The following DGKG variants were observed in gnomAD, a reference collection of about 807,000 sequenced individuals.
DGKG encodes the protein DAG kinase gamma.
Under a neutral mutation model 105.3 loss-of-function variants are expected in DGKG, and 78 were observed. The observed-to-expected ratio is 0.74, with a 90% CI of 0.62 to 0.89. The LOEUF is 0.89. Ranked by LOEUF, DGKG falls within the 40% of genes least tolerant of loss-of-function variation. The pLI is 0.00. For missense variants in DGKG, 958 were observed against 1,020.1 expected (o/e 0.94, Z 0.83); for synonymous variants, 346 against 367.1 (o/e 0.94, Z 0.66).
intron 6 of DGKG, among the ~76,000 whole-genome samples, chr3:186,286,477 C>T (rs969038637): frequency 6.6e-6 from 1 of 152,122 alleles, no homozygotes; most frequent in African/African-American, 2.4e-5. Flanking sequence ...CTTGTGCCTT[C>T]CTTCTAGGTT....
At chr3:186,170,441 C>T (rs913215648) in intron 22 of DGKG, among the ~76,000 whole-genome samples, 2 of 152,108 alleles carry the variant, frequency 1.3e-5, no homozygotes, top group African/African-American at 2.4e-5. Flanking sequence ...GAGTTTGGGC[C>T]CAGCAGTCTG....
chr3:186,272,652 T>A (rs920366124), intron 10 of DGKG, among the ~76,000 whole-genome samples: 13 of 152,178 alleles, frequency 8.5e-5, no homozygotes, highest in African/African-American at 2.9e-4. Context: ...TGCGGCATCA[T>A]CCTCCTGGCT....
intron 1 of DGKG, among the ~76,000 whole-genome samples, chr3:186,355,279 C>T (rs897413119): frequency 4.4e-5 from 6 of 137,138 alleles, no homozygotes; most frequent in South Asian, 2.4e-4. Context: ...ACCACCAGCA[C>T]GATCATCATC....
intron 3 of DGKG, 193 bp downstream of exon 3, chr3:186,306,708 G>A (rs1724256257): frequency 1.7e-6 from 1 of 575,612 alleles, no homozygotes; most frequent in Admixed American, 3.2e-5. Flanking sequence ...AGTCTTCTAG[G>A]ACAGTGGAAT....
At chr3:186,262,584 G>A (rs1447685515) in intron 14 of DGKG, among the ~76,000 whole-genome samples, 1 of 152,156 alleles carries the variant, frequency 6.6e-6, no homozygotes, top group Non-Finnish European at 1.5e-5. Context: ...ATTATTAAAG[G>A]AGGATTTGGA....
At position 186,148,924 on chromosome 3, in the gene DGKG, T is replaced by C. The variant is rs2108463987; in HGVS notation, c.*1166A>G. 1.0e-6 allele frequency: 1 copy of C among 975,936 alleles called. No homozygotes were observed. Among genetic ancestry groups the C allele is most frequent in the Non-Finnish European group, 1.2e-6 (1 of 823,420 alleles). 60.5% of individuals were successfully genotyped at this position (975,936 alleles called of 1,614,324 possible). ...GTCTCATACTACCTATGTTTTTTTT[T>C]TCCAATGAGGAAAAGTCCATCAGTA... On this transcript the variant is annotated 3_prime_UTR_variant, in exon 25 of 25. Transcript: ENST00000265022.
In DGKG at chr3:186,257,892, C is replaced by T. The variant is rs1168638477; in HGVS notation, c.1472G>A (p.Gly491Asp). Residue 491 changes from glycine to aspartate, a missense_variant, in exon 17 of 25, where the codon GGT (glycine) becomes GAT (aspartate). Gly to Asp is a moderately conservative substitution (Grantham distance 94). Coordinates refer to ENST00000265022, the MANE Select transcript of DGKG (RefSeq NM_001346.3). ...AATCCAGCCAACTGTCCCATCTCCA[C>T]CACAGGCCAAAACACGGAAGTCTGG... ...DTPDFRVLACGGDGTVGWILD... is the reference protein window; with the variant it reads ...DTPDFRVLACDGDGTVGWILD... 1 of 1,614,124 alleles carries T rather than the reference C, an allele frequency of 6.2e-7. No homozygotes were observed. The highest frequency in any genetic ancestry group is 2.2e-5 in the East Asian group (1 of 44,868).
rs375875878 is a variant in DGKG, at chr3:186,268,819, G to A, written c.1098C>T (p.Cys366=). The stretch of plus-strand genomic sequence containing the variant: ...AACCCACCGTCATCCGGCACCACAC[G>A]CAGTGCCGCGCGGTGACACTCTGGT... ...KCYQSVTARH[C]VWCRMTFHRK... is the part of the protein sequence containing the mutation. The change falls in exon 12 of 25, where the codon TGC becomes TGT. Residue 366 remains cysteine, a synonymous_variant. Transcript: ENST00000265022. 7 of 1,612,924 alleles carry A rather than the reference G, an allele frequency of 4.3e-6. No homozygotes were observed. The highest frequency in any genetic ancestry group is 1.6e-4 in the Middle Eastern group (1 of 6,082).
intron 24 of DGKG, among the ~76,000 whole-genome samples, chr3:186,154,453 C>T (rs1265529104): frequency 2.0e-5 from 3 of 151,828 alleles, no homozygotes; most frequent in East Asian, 3.9e-4. Context: ...AGACCAGCCT[C>T]GCCAACATGG....
At chr3:186,193,430 C>G (rs1214177291) in intron 21 of DGKG, among the ~76,000 whole-genome samples, 1 of 152,248 alleles carries the variant, frequency 6.6e-6, no homozygotes, top group South Asian at 2.1e-4. Context: ...GTTATCATCA[C>G]AGGTTCCCCA....
chr3:186,218,934 T>C (rs1385675754), intron 20 of DGKG, among the ~76,000 whole-genome samples: 2 of 152,174 alleles, frequency 1.3e-5, no homozygotes, highest in African/African-American at 4.8e-5. Flanking sequence ...CTACTGAAGA[T>C]AATAGACTAG....
intron 21 of DGKG, among the ~76,000 whole-genome samples, chr3:186,195,077 C>T (rs1296464434): frequency 2.0e-5 from 3 of 151,586 alleles, no homozygotes; most frequent in Non-Finnish European, 4.4e-5. Context: ...TGGACTCCAG[C>T]CTGGGCGATA....
chr3:186,280,582 A>G, intron 8 of DGKG, 88 bp downstream of exon 8: 1 of 1,024,014 alleles, frequency 9.8e-7, no homozygotes, highest in Non-Finnish European at 1.5e-6. Flanking sequence ...GAGCACCTGC[A>G]GGGTTAACAC....
intron 6 of DGKG, among the ~76,000 whole-genome samples, chr3:186,285,678 T>TC: frequency 8.5e-6 from 1 of 117,978 alleles, no homozygotes; most frequent in African/African-American, 3.0e-5. Context: ...TTTCTTTCTT[T>TC]CTTTTTTTTT....
intron 1 of DGKG, among the ~76,000 whole-genome samples, chr3:186,347,728 G>A (rs1726416569): frequency 6.6e-6 from 1 of 151,786 alleles, no homozygotes; most frequent in Non-Finnish European, 1.5e-5. Flanking sequence ...GATTATAGAT[G>A]CCCACCACCA....
intron 19 of DGKG, among the ~76,000 whole-genome samples, chr3:186,245,972 A>T (rs544629707): frequency 2.0e-5 from 3 of 152,284 alleles, no homozygotes; most frequent in East Asian, 1.9e-4. Flanking sequence ...AACAATTTTT[A>T]AATTTTTTTA....
In DGKG at chr3:186,353,624, C is replaced by A. The variant is rs62290687; in HGVS notation, c.-249+8322G>T. On this transcript the variant is annotated intron_variant, in intron 1 of 24. Coordinates refer to ENST00000265022, the MANE Select transcript of DGKG (RefSeq NM_001346.3). ...ACACATACACATATATATAGACTCT[C>A]TATCTATATCTATATCTATATCTAT... Among the ~76,000 whole-genome samples the A allele has an allele frequency of 2.3e-3, 299 of 128,554 alleles. 2 individuals carry two copies. Among genetic ancestry groups the A allele is most frequent in the African/African-American group, 7.6e-3 (268 of 35,486 alleles). The allele number at this position is 128,554 out of a possible 152,430, so 84.3% of individuals were successfully genotyped here.
At chr3:186,314,071 C>A (rs528921601) in intron 2 of DGKG, among the ~76,000 whole-genome samples, 3 of 151,966 alleles carry the variant, frequency 2.0e-5, no homozygotes, top group African/African-American at 2.4e-5. Context: ...TAATCTGATT[C>A]GAAAGAAATA....
intron 21 of DGKG, among the ~76,000 whole-genome samples, chr3:186,195,742 A>G (rs1718148339): frequency 6.6e-6 from 1 of 152,174 alleles, no homozygotes; most frequent in South Asian, 2.1e-4. Context: ...GATTTTGCCA[A>G]CTGCATCTCT....
Sources: gnomAD v4.1 joint callset for allele counts (sites outside exome capture counted in the v4.1 genomes callset) on GRCh38, gnomAD v4.1.1 for gene constraint, MANE v1.5 for transcripts, NCBI Gene and HGNC (gene_info 2026-07-23, HGNC 2026-07-21) for gene names.